FH: variants seen among roughly 807,000 people sequenced by gnomAD.
FH encodes fumarate hydratase, mitochondrial.
Under a neutral mutation model 49.4 loss-of-function variants are expected in FH, and 22 were observed. That is an observed-to-expected ratio of 0.45 (90% CI 0.32 to 0.64). FH has a LOEUF of 0.64. FH is among the 30% of genes least tolerant of loss of function. FH has a pLI of 0.05. For synonymous variants in FH, 208 were observed against 223.0 expected (o/e 0.93, Z 0.60); for missense variants, 526 against 641.5 (o/e 0.82, Z 1.95).
chr1:241,517,390 T>C lies in FH; in HGVS notation c.133-74A>G, dbSNP rs1404129625. 5.9e-6 allele frequency: 9 copies of C among 1,533,680 alleles called. No homozygotes were observed. The East Asian group carries it at 2.0e-4, about 35-fold the overall frequency. On this transcript the variant is annotated intron_variant, in intron 1 of 9. Coordinates refer to ENST00000366560, the MANE Select transcript of FH (RefSeq NM_000143.4). Reference sequence around the variant, plus strand: ...TCAAAAGTAATCGCATCTTATCAGCTGTTAAAGAGAAAGAAACCTGAATAA... The same window carrying C: ...TCAAAAGTAATCGCATCTTATCAGCCGTTAAAGAGAAAGAAACCTGAATAA...
chr1:241,500,364 A>G (rs1186443175), intron 9 of FH, 73 bp downstream of exon 9: 3 of 1,437,852 alleles, frequency 2.1e-6, no homozygotes, highest in Non-Finnish European at 2.9e-6. Context: ...ACACTGATCC[A>G]CTTGTCTCTT....
In FH at chr1:241,513,708, T is replaced by C. The variant is rs777450661; in HGVS notation, c.273A>G (p.Pro91=). 6.2e-7 allele frequency: 1 copy of C among 1,612,964 alleles called. No homozygotes were observed. Among genetic ancestry groups the C allele is most frequent in the South Asian group, 1.1e-5 (1 of 91,054 alleles). Residue 91 remains proline, a synonymous_variant, in exon 3 of 10, where the codon CCA becomes CCG. Coordinates refer to ENST00000366560, the MANE Select transcript of FH (RefSeq NM_000143.4). ...IGGVTERMPT[P]VIKAFGILKR... ...TCAAGATGCCAAAAGCTTTAATAAC[T>C]GGGGTCTAAAATTAATCAGAAAAAT...
At position 241,504,256 on chromosome 1, in the gene FH, G is replaced by C; in HGVS notation, c.905-11C>G. On this transcript the variant is annotated splice_polypyrimidine_tract_variant and intron_variant, in intron 6 of 9. Transcript: ENST00000366560. ...TGACAAAAGGCAAGCCTAAAGAAAA[G>C]AAAAATATCCTAGATGGGTGAACAA... 6.2e-7 allele frequency: 1 copy of C among 1,612,288 alleles called. No homozygotes were observed. The highest frequency in any genetic ancestry group is 8.5e-7 in the Non-Finnish European group (1 of 1,178,732).
chr1:241,512,167 T>C, intron 3 of FH, 24 bp from the exon 4 acceptor site: 1 of 1,602,656 alleles, frequency 6.2e-7, no homozygotes, highest in Non-Finnish European at 8.5e-7. Context: ...GTTAAAAATG[T>C]ATTTTAAAAA....
rs114554130 is a variant in FH at position 241,515,238 on chromosome 1, C to G, written c.268-1525G>C. On this transcript the variant is annotated intron_variant, in intron 2 of 9. Coordinates refer to ENST00000366560, the MANE Select transcript of FH (RefSeq NM_000143.4). ...TTCAGAAAGTATGACAAAATCGAGACCCCAGGTGTCTGCCTTTCACAGGTG... is the reference window on the plus strand; with the variant it reads ...TTCAGAAAGTATGACAAAATCGAGAGCCCAGGTGTCTGCCTTTCACAGGTG... Among the ~76,000 whole-genome samples the G allele has an allele frequency of 1.9e-3, 296 of 152,174 alleles. 1 individual carries two copies. Among genetic ancestry groups the G allele is most frequent in the African/African-American group, 6.9e-3 (286 of 41,520 alleles).
intron 4 of FH, 60 bp downstream of exon 4, chr1:241,511,907 A>G: frequency 6.6e-7 from 1 of 1,516,522 alleles, no homozygotes; most frequent in Non-Finnish European, 9.2e-7. Flanking sequence ...GTTTTACAAG[A>G]ACAATCTCAG....
intron 1 of FH, among the ~76,000 whole-genome samples, chr1:241,518,543 G>A (rs901310800): frequency 1.3e-5 from 2 of 152,190 alleles, no homozygotes; most frequent in East Asian, 1.9e-4. Context: ...TCCAGAAAAA[G>A]TACTGGCCCT....
At position 241,519,663 on chromosome 1, in the gene FH, T is replaced by C. The variant is rs1203787655; in HGVS notation, c.60A>G (p.Ala20=). 2 of 1,547,850 alleles carry C rather than the reference T, an allele frequency of 1.3e-6. No homozygotes were observed. The highest frequency in any genetic ancestry group is 2.4e-5 in the South Asian group (2 of 83,864). The change falls in exon 1 of 10, where the codon GCA becomes GCG. Residue 20 remains alanine, a synonymous_variant. Transcript: ENST00000366560. ...RSRPLVRAPA[A]ALASAPGLGG... ...CCAAGCCGGGAGCCGAAGCTAAGGC[T>C]GCGGCTGGAGCCCGCACGAGGGGAC...
At chr1:241,511,850 C>G (rs952029981) in intron 4 of FH, 117 bp downstream of exon 4, 27 of 965,992 alleles carry the variant, frequency 2.8e-5, no homozygotes, top group Non-Finnish European at 4.0e-5. Flanking sequence ...CCATAAGAAG[C>G]CTTATCCATT....
intron 1 of FH, 110 bp downstream of exon 1, chr1:241,519,481 G>A (rs1195846627): frequency 3.0e-6 from 4 of 1,342,454 alleles, no homozygotes; most frequent in African/African-American, 3.0e-5. Flanking sequence ...AGTCTGGCGC[G>A]GCCCGGACGC....
In FH at chr1:241,513,568, G is replaced by C. The variant is rs202210694; in HGVS notation, c.378+35C>G. ...GTCATCCAGAGTATGGCATGGGTCT[G>C]AGGTTATTAAGCAAACACACTTATC... On this transcript the variant is annotated intron_variant, in intron 3 of 9. Coordinates refer to ENST00000366560, the MANE Select transcript of FH (RefSeq NM_000143.4). 1.2e-5 allele frequency: 18 copies of C among 1,464,458 alleles called. No individual in the cohort carries two copies. The Admixed American group carries it at 2.7e-4, about 22-fold the overall frequency. The allele number at this position is 1,464,458 out of a possible 1,614,324, so 90.7% of individuals were successfully genotyped here.
Position 241,497,956 on chromosome 1 carries a change from C to T in FH, c.1405G>A (p.Ala469Thr), listed in dbSNP as rs1060500906. 2.5e-6 allele frequency: 4 copies of T among 1,613,872 alleles called. No homozygotes were observed. The highest frequency in any genetic ancestry group is 1.3e-5 in the African/African-American group (1 of 74,912). The stretch of plus-strand genomic sequence containing the variant: ...TTGTGTGCTGTCTTAGCAATCTTTG[C>T]TGCCTTGTCATACCCTGAAGAAAAA... The part of the protein sequence containing the change: ...LNPHIGYDKA[A>T]KIAKTAHKNG... The change falls in exon 10 of 10, where the codon GCA (alanine) becomes ACA (threonine). Residue 469 changes from alanine (A) to threonine (T), a missense_variant. Physicochemically the swap from Ala to Thr is moderately conservative, Grantham distance 58. Coordinates refer to ENST00000366560, the MANE Select transcript of FH (RefSeq NM_000143.4).
intron 8 of FH, 62 bp downstream of exon 8, chr1:241,502,381 A>G: frequency 6.2e-7 from 1 of 1,602,172 alleles, no homozygotes. Context: ...TCTTTATGAA[A>G]TACAAAACCA....
intron 8 of FH, among the ~76,000 whole-genome samples, chr1:241,501,525 C>A: frequency 6.6e-6 from 1 of 152,120 alleles, no homozygotes; most frequent in East Asian, 1.9e-4. Context: ...ATATACATTC[C>A]ATGAGAGCAA....
chr1:241,518,262 G>C (rs758939086), intron 1 of FH, among the ~76,000 whole-genome samples: 6 of 152,138 alleles, frequency 3.9e-5, no homozygotes, highest in Non-Finnish European at 7.4e-5. Flanking sequence ...ACCTCCATCT[G>C]ATTTTAGCTA....
At chr1:241,506,234 G>A (rs2147917826) in intron 5 of FH, 66 bp from the exon 6 acceptor site, 1 of 1,207,578 alleles carries the variant, frequency 8.3e-7, no homozygotes, top group East Asian at 2.5e-5. Context: ...TACTCTAACT[G>A]CATTAAATAG....
In FH at chr1:241,502,640, T is replaced by G. The variant is rs1436031164; in HGVS notation, c.1109-70A>C. 7 of 1,529,918 alleles carry G rather than the reference T, an allele frequency of 4.6e-6. No homozygotes were observed. In the Middle Eastern group the frequency reaches 1.2e-3, roughly 261 times the overall value. The allele number at this position is 1,529,918 out of a possible 1,614,324, so 94.8% of individuals were successfully genotyped here. A position where few individuals can be genotyped will look rare whatever the true frequency, so the allele number is the denominator to read the frequency against. ...AAATAATCAGGAGAATAAAGAAATC[T>G]AATTTCACTAAATAGAGTAAGATAT... On this transcript the variant is annotated intron_variant, in intron 7 of 9. Coordinates refer to ENST00000366560, the MANE Select transcript of FH (RefSeq NM_000143.4).
At chr1:241,501,556 T>A (rs1659780486) in intron 8 of FH, among the ~76,000 whole-genome samples, 1 of 152,204 alleles carries the variant, frequency 6.6e-6, no homozygotes, top group Admixed American at 6.5e-5. Flanking sequence ...TTTTCATTGC[T>A]CTATCTCTAT....
chr1:241,517,726 T>C (rs1023824596), intron 1 of FH, among the ~76,000 whole-genome samples: 2 of 152,098 alleles, frequency 1.3e-5, no homozygotes, highest in Admixed American at 6.5e-5. Context: ...ACATTATTTA[T>C]ATATAAACAT....
Sources: allele counts gnomAD v4.1 joint callset (sites outside exome capture counted in the v4.1 genomes callset), GRCh38; gene constraint gnomAD v4.1.1; transcripts MANE v1.5; gene names NCBI Gene and HGNC (gene_info 2026-07-23, HGNC 2026-07-21).